The following CDS2 variants were observed in gnomAD, a reference collection of about 807,000 sequenced individuals.
CDS2 encodes CDP-diacylglycerol synthase 2.
A neutral mutation model predicts 59.0 loss-of-function variants in CDS2; 47 were observed. That is an observed-to-expected ratio of 0.80 (90% CI 0.63 to 1.02). CDS2 has a LOEUF of 1.02. CDS2 is among the 50% of genes least tolerant of loss of function. CDS2 has a pLI of 0.00. For synonymous variants in CDS2, 207 were observed against 206.4 expected (o/e 1.00, Z -0.02); for missense variants, 356 against 558.9 (o/e 0.64, Z 3.66).
At position 5,193,203 on chromosome 20, in the gene CDS2, G is replaced by A. The variant is rs1038992579; in HGVS notation, c.*2969G>A. The A allele has an allele frequency of 7.2e-5, 11 of 152,326 alleles. No homozygotes were observed. Among genetic ancestry groups the A allele is most frequent in the African/African-American group, 2.6e-4 (11 of 41,574 alleles). The allele number at this position is 152,326 out of a possible 1,614,324, so 9.4% of individuals were successfully genotyped here. On this transcript the variant is annotated 3_prime_UTR_variant, in exon 13 of 13. Coordinates refer to ENST00000460006, the MANE Select transcript of CDS2 (RefSeq NM_003818.4). Reference sequence around the variant, plus strand: ...CCCTCTTAACTGCTTTTAGTATTCAGAAAGGTTCCATTTATGTTTTACTCC... The same window carrying A: ...CCCTCTTAACTGCTTTTAGTATTCAAAAAGGTTCCATTTATGTTTTACTCC...
rs1029497283 is a variant in CDS2, at chr20:5,127,128, G to C, written c.36G>C (p.Pro12=). The C allele has an allele frequency of 4.7e-6, 7 of 1,496,044 alleles. No individual in the cohort carries two copies. In the African/African-American group the frequency reaches 1.0e-4, roughly 22 times the overall value. The allele number at this position is 1,496,044 out of a possible 1,614,324, so 92.7% of individuals were successfully genotyped here. A position where few individuals can be genotyped will look rare whatever the true frequency, so the allele number is the denominator to read the frequency against. The stretch of plus-strand genomic sequence containing the variant: ...TGAGGCAGAGGGTGGCCCATGAGCC[G>C]GTTGCGCCACCCGAGGACAAGGTAG... ...TELRQRVAHE[P]VAPPEDKESE... The change falls in exon 1 of 13, where the codon CCG becomes CCC. Residue 12 remains proline, a synonymous_variant. Transcript: ENST00000460006.
Position 5,175,245 on chromosome 20 carries a change from T to C in CDS2, c.257T>C (p.Ile86Thr). ...GCCATGATTGCATTTTTCTTCATCA[T>C]CATTTACCTGGGACCAATGGTTTTG... ...TLAMIAFFFIIIYLGPMVLMI... is the reference protein window; with the variant it reads ...TLAMIAFFFITIYLGPMVLMI... The change falls in exon 3 of 13, where the codon ATC (isoleucine) becomes ACC (threonine). Residue 86 changes from isoleucine (I) to threonine (T), a missense_variant. Ile to Thr is a moderately conservative substitution (Grantham distance 89). Transcript: ENST00000460006. The C allele has an allele frequency of 6.2e-7, 1 of 1,614,138 alleles. No homozygotes were observed. The highest frequency in any genetic ancestry group is 2.2e-5 in the East Asian group (1 of 44,888).
At chr20:5,131,432 G>A (rs556051360) in intron 1 of CDS2, among the ~76,000 whole-genome samples, 43 of 152,282 alleles carry the variant, frequency 2.8e-4, no homozygotes, top group African/African-American at 1.0e-3. Context: ...TTTTCTGATG[G>A]AGCTTAGGAA....
intron 1 of CDS2, chr20:5,128,423 A>G (rs902585345): frequency 6.6e-6 from 1 of 152,150 alleles, no homozygotes; most frequent in South Asian, 2.1e-4. Context: ...TTTTTAAACA[A>G]CTTTCGTGTT....
intron 1 of CDS2, among the ~76,000 whole-genome samples, chr20:5,135,638 C>T (rs757774799): frequency 2.0e-5 from 3 of 152,146 alleles, no homozygotes; most frequent in Non-Finnish European, 4.4e-5. Flanking sequence ...CCCACCCCCA[C>T]GTATGGTCCC....
intron 1 of CDS2, among the ~76,000 whole-genome samples, chr20:5,135,170 G>A (rs757820295): frequency 2.0e-5 from 3 of 152,214 alleles, no homozygotes; most frequent in East Asian, 1.9e-4. Flanking sequence ...GGGTTCAAGC[G>A]ATCTTCTCGC....
chr20:5,190,219 C>A lies in CDS2; in HGVS notation c.1323C>A (p.Thr441=). The A allele has an allele frequency of 6.2e-7, 1 of 1,613,952 alleles. No individual in the cohort carries two copies. Among genetic ancestry groups the A allele is most frequent in the South Asian group, 1.1e-5 (1 of 91,016 alleles). The part of the protein sequence containing the change: ...HLIDKGMLTS[T]TEDE ...TCGACAAAGGGATGCTGACATCCAC[C>A]ACAGAGGACGAGTAGGGGCCACCCA... Residue 441 remains threonine, a synonymous_variant, in exon 13 of 13, where the codon ACC becomes ACA. Transcript: ENST00000460006.
chr20:5,145,129 T>C (rs1223950533), intron 1 of CDS2, among the ~76,000 whole-genome samples: 2 of 151,898 alleles, frequency 1.3e-5, no homozygotes, highest in African/African-American at 4.8e-5. Context: ...AGTAGTGTCT[T>C]GGCTCACCTC....
intron 1 of CDS2, among the ~76,000 whole-genome samples, chr20:5,134,210 C>T (rs559662801): frequency 3.9e-5 from 6 of 152,268 alleles, no homozygotes; most frequent in Non-Finnish European, 1.5e-5. Flanking sequence ...GGCGCCTTAC[C>T]CAGGCAGTGG....
chr20:5,175,798 C>G (rs1171311352), intron 3 of CDS2: 8 of 158,684 alleles, frequency 5.0e-5, no homozygotes, highest in Admixed American at 2.5e-4. Context: ...AACAAACAAA[C>G]AAACAAACAA....
At chr20:5,139,673 T>C (rs1448210310) in intron 1 of CDS2, among the ~76,000 whole-genome samples, 2 of 152,224 alleles carry the variant, frequency 1.3e-5, no homozygotes, top group African/African-American at 4.8e-5. Flanking sequence ...CTATTCAGTA[T>C]GATGTTAGCC....
intron 5 of CDS2, among the ~76,000 whole-genome samples, chr20:5,179,740 G>A (rs752522040): frequency 2.0e-5 from 3 of 152,208 alleles, no homozygotes; most frequent in Non-Finnish European, 2.9e-5. Context: ...GTAATCTAGA[G>A]CTAAAACTGC....
chr20:5,134,902 A>G (rs559500591), intron 1 of CDS2, among the ~76,000 whole-genome samples: 1 of 152,304 alleles, frequency 6.6e-6, no homozygotes, highest in East Asian at 1.9e-4. Context: ...ATACTTGATA[A>G]AATCATTCAG....
intron 1 of CDS2, among the ~76,000 whole-genome samples, chr20:5,138,821 A>G (rs569701738): frequency 6.6e-6 from 1 of 151,988 alleles, no homozygotes; most frequent in South Asian, 2.1e-4. Flanking sequence ...CAGTGAGCCA[A>G]GATCGCACCA....
intron 7 of CDS2, among the ~76,000 whole-genome samples, chr20:5,183,440 A>C (rs2091045530): frequency 6.6e-6 from 1 of 152,264 alleles, no homozygotes. Flanking sequence ...AGACTCAAAG[A>C]CAATGCAACA....
chr20:5,177,157 T>A (rs547343487), intron 4 of CDS2, among the ~76,000 whole-genome samples: 1 of 152,232 alleles, frequency 6.6e-6, no homozygotes, highest in South Asian at 2.1e-4. Context: ...CTATTTGGAT[T>A]CCTTAAACTC....
At chr20:5,127,555 A>G (rs2090565209) in intron 1 of CDS2, among the ~76,000 whole-genome samples, 1 of 151,748 alleles carries the variant, frequency 6.6e-6, no homozygotes, top group South Asian at 2.1e-4. Context: ...CCCTTTTACA[A>G]TGTTATTATT....
In CDS2 at chr20:5,194,281, G is replaced by T. The variant is rs193242913; in HGVS notation, c.*4047G>T. The T allele has an allele frequency of 1.3e-5, 2 of 152,468 alleles. No homozygotes were observed. The highest frequency in any genetic ancestry group is 4.8e-5 in the African/African-American group (2 of 41,580). 9.4% of individuals were successfully genotyped at this position (152,468 alleles called of 1,614,324 possible). A position where few individuals can be genotyped will look rare whatever the true frequency, so the allele number is the denominator to read the frequency against. On this transcript the variant is annotated 3_prime_UTR_variant, in exon 13 of 13. Transcript: ENST00000460006. ...CCTGACTCAGTTTCTCTTGTTGGGT[G>T]GGGGCCTTGTGCCACAACCTGCATG...
At chr20:5,175,410 T>C in intron 3 of CDS2, 131 bp downstream of exon 3, 1 of 698,252 alleles carries the variant, frequency 1.4e-6, no homozygotes, top group Non-Finnish European at 2.5e-6. Flanking sequence ...ACCTCTGCCA[T>C]AGAACATCTG....
Sources: allele counts gnomAD v4.1 joint callset (sites outside exome capture counted in the v4.1 genomes callset), GRCh38; gene constraint gnomAD v4.1.1; transcripts MANE v1.5; gene names NCBI Gene and HGNC (gene_info 2026-07-23, HGNC 2026-07-21).